PCDH9: variants seen among roughly 807,000 people sequenced by gnomAD.
PCDH9 encodes the protein protocadherin 9.
PCDH9 carries 24 observed loss-of-function variants against 70.6 expected under a neutral mutation model. The observed-to-expected ratio is 0.34, with a 90% CI of 0.25 to 0.48. PCDH9 has a LOEUF of 0.48. Among genes scored for constraint, PCDH9 ranks in the 20% least tolerant of loss-of-function variants. The pLI, the probability that PCDH9 is intolerant of heterozygous loss-of-function variation, is 0.99. For synonymous variants in PCDH9, 562 were observed against 558.5 expected (o/e 1.01, Z -0.09); for missense variants, 1,281 against 1,503.6 (o/e 0.85, Z 2.45).
intron 4 of PCDH9, among the ~76,000 whole-genome samples, chr13:66,517,501 C>A (rs1959793741): frequency 6.6e-6 from 1 of 152,068 alleles, no homozygotes; most frequent in African/African-American, 2.4e-5. Flanking sequence ...AAAAAAACAA[C>A]AACAAAACTT....
chr13:66,373,352 G>A (rs927701818), intron 4 of PCDH9, among the ~76,000 whole-genome samples: 1 of 151,880 alleles, frequency 6.6e-6, no homozygotes, highest in Non-Finnish European at 1.5e-5. Context: ...GTGAATAAAT[G>A]GGAAATTGTC....
intron 4 of PCDH9, among the ~76,000 whole-genome samples, chr13:66,505,795 C>T (rs1959206047): frequency 6.6e-6 from 1 of 152,224 alleles, no homozygotes; most frequent in South Asian, 2.1e-4. Context: ...AGCTACAATT[C>T]AAGATGAGAT....
intron 2 of PCDH9, chr13:67,223,072 G>C (rs2089769152): frequency 6.6e-6 from 1 of 152,058 alleles, no homozygotes; most frequent in African/African-American, 2.4e-5. Flanking sequence ...TTTATCATAA[G>C]AGTGAATTAC....
intron 3 of PCDH9, among the ~76,000 whole-genome samples, chr13:66,704,665 A>G (rs2078688874): frequency 6.6e-6 from 1 of 152,150 alleles, no homozygotes. Context: ...TGGTGTCAGG[A>G]AAGAAAATGA....
chr13:66,812,166 T>G (rs2080521149), intron 3 of PCDH9, among the ~76,000 whole-genome samples: 1 of 152,156 alleles, frequency 6.6e-6, no homozygotes, highest in South Asian at 2.1e-4. Flanking sequence ...AATATTTTCT[T>G]ACGTGCAGAA....
chr13:66,530,425 C>A (rs1960402248), intron 4 of PCDH9, among the ~76,000 whole-genome samples: 1 of 151,978 alleles, frequency 6.6e-6, no homozygotes, highest in African/African-American at 2.4e-5. Context: ...TAAATTATGT[C>A]CATAGTTATA....
chr13:66,487,973 C>A (rs17081353), intron 4 of PCDH9, among the ~76,000 whole-genome samples: 4,664 of 152,266 alleles, frequency 0.031, 217 homozygotes, highest in African/African-American at 0.11. Context: ...TCCATCAGCA[C>A]TGAGTCCTCA....
At chr13:66,508,548 G>C (rs1417875935) in intron 4 of PCDH9, among the ~76,000 whole-genome samples, 1 of 152,044 alleles carries the variant, frequency 6.6e-6, no homozygotes, top group Non-Finnish European at 1.5e-5. Context: ...TTTGAAACAC[G>C]GGTGATGTCG....
At chr13:66,858,488 T>C (rs2081431233) in intron 3 of PCDH9, among the ~76,000 whole-genome samples, 1 of 152,204 alleles carries the variant, frequency 6.6e-6, no homozygotes, top group Non-Finnish European at 1.5e-5. Flanking sequence ...CCACTTTGAT[T>C]ACTTACACTT....
rs2085946618 is a variant in PCDH9, at chr13:67,079,697, C to G, written c.3036+145708G>C. ...TAATCTTCCATTAATGTAGCCAGACCTCTCCCTTTCTAGACTTTTTCAGAT... is the reference window on the plus strand; with the variant it reads ...TAATCTTCCATTAATGTAGCCAGACGTCTCCCTTTCTAGACTTTTTCAGAT... On this transcript the variant is annotated intron_variant, in intron 2 of 4. Transcript: ENST00000377865. Among the ~76,000 whole-genome samples the G allele has an allele frequency of 2.0e-5, 3 of 152,134 alleles. No homozygotes were observed. In the South Asian group the frequency reaches 6.2e-4, roughly 31 times the overall value.
At chr13:66,358,545 G>A (rs553604823) in intron 4 of PCDH9, among the ~76,000 whole-genome samples, 3 of 151,804 alleles carry the variant, frequency 2.0e-5, no homozygotes, top group Non-Finnish European at 4.4e-5. Flanking sequence ...TTTCATCTAC[G>A]GAAAACTTTT....
chr13:66,554,474 A>T (rs1658711897), intron 4 of PCDH9, among the ~76,000 whole-genome samples: 1 of 152,142 alleles, frequency 6.6e-6, no homozygotes, highest in Admixed American at 6.5e-5. Context: ...ATTTTGTTGA[A>T]TAATACAGAT....
At chr13:66,526,820 A>G (rs1369566363) in intron 4 of PCDH9, among the ~76,000 whole-genome samples, 2 of 152,194 alleles carry the variant, frequency 1.3e-5, no homozygotes, top group Non-Finnish European at 2.9e-5. Flanking sequence ...CTCTGTAAAT[A>G]AGAGAACTTT....
chr13:66,496,012 C>T (rs1959110989), intron 4 of PCDH9, among the ~76,000 whole-genome samples: 1 of 152,146 alleles, frequency 6.6e-6, no homozygotes, highest in Non-Finnish European at 1.5e-5. Flanking sequence ...TAAGATTGTA[C>T]AAAGCCCATA....
At chr13:66,509,986 T>G (rs1392268427) in intron 4 of PCDH9, among the ~76,000 whole-genome samples, 2 of 152,190 alleles carry the variant, frequency 1.3e-5, no homozygotes, top group Non-Finnish European at 2.9e-5. Flanking sequence ...GGTAAGGAAA[T>G]TTTAAATATG....
chr13:67,201,989 A>G (rs1219895585), intron 2 of PCDH9: 1 of 152,102 alleles, frequency 6.6e-6, no homozygotes, highest in African/African-American at 2.4e-5. Context: ...ATAGTTACAC[A>G]TGGCGATTTA....
intron 4 of PCDH9, among the ~76,000 whole-genome samples, chr13:66,352,669 C>T (rs915574642): frequency 7.9e-5 from 12 of 152,104 alleles, no homozygotes. Flanking sequence ...TCCTTAGAGG[C>T]CCCATCTCCA....
chr13:66,570,158 A>G (rs1343245899), intron 4 of PCDH9, among the ~76,000 whole-genome samples: 1 of 152,168 alleles, frequency 6.6e-6, no homozygotes, highest in Non-Finnish European at 1.5e-5. Context: ...ACCCATATAA[A>G]AAGTTAAATA....
intron 2 of PCDH9, among the ~76,000 whole-genome samples, chr13:66,920,663 C>G (rs1307287866): frequency 6.6e-6 from 1 of 151,134 alleles, no homozygotes; most frequent in Admixed American, 6.6e-5. Flanking sequence ...ATCCTCAAGC[C>G]ATGTAATGTA....
Sources: gnomAD v4.1 joint callset for allele counts (sites outside exome capture counted in the v4.1 genomes callset) on GRCh38, gnomAD v4.1.1 for gene constraint, MANE v1.5 for transcripts, NCBI Gene and HGNC (gene_info 2026-07-23, HGNC 2026-07-21) for gene names.